The following TBC1D4 variants were observed in gnomAD, a reference collection of about 807,000 sequenced individuals.
TBC1D4 encodes TBC (Tre-2, BUB2, CDC16) domain-containing protein.
TBC1D4 carries 121 observed loss-of-function variants against 142.5 expected under a neutral mutation model. The observed-to-expected ratio is 0.85, with a 90% confidence interval of 0.73 to 0.99. TBC1D4 has a LOEUF of 0.99. Among genes scored for constraint, TBC1D4 ranks in the 50% least tolerant of loss-of-function variants. TBC1D4 has a pLI of 0.00. For synonymous variants in TBC1D4, 630 were observed against 628.2 expected, an observed-to-expected ratio of 1.00 and a Z score of -0.04; for missense variants, 1,475 against 1,606.6, an observed-to-expected ratio of 0.92 and a Z score of 1.40.
chr13:75,419,828 T>C (rs1255389356), intron 1 of TBC1D4, among the ~76,000 whole-genome samples: 1 of 152,220 alleles, frequency 6.6e-6, no homozygotes, highest in African/African-American at 2.4e-5. Context: ...TATGATATGG[T>C]GTCTCTCATC....
chr13:75,430,536 GA>G (rs1332317574), intron 1 of TBC1D4, among the ~76,000 whole-genome samples: 1 of 152,192 alleles, frequency 6.6e-6, no homozygotes, highest in Non-Finnish European at 1.5e-5. Flanking sequence ...AGCAGAATGA[GA>G]AACTGACAGA....
intron 1 of TBC1D4, among the ~76,000 whole-genome samples, chr13:75,373,068 A>C (rs1338766139): frequency 1.3e-5 from 2 of 152,252 alleles, no homozygotes; most frequent in African/African-American, 4.8e-5. Flanking sequence ...AGCAAGGCTT[A>C]ATTGTGCAAT....
Position 75,310,030 on chromosome 13 carries a change from T to C in TBC1D4, c.2505A>G (p.Lys835=), listed in dbSNP as rs770640675. The change falls in exon 14 of 21, where the codon AAA becomes AAG. Residue 835 remains lysine, a synonymous_variant. Coordinates refer to ENST00000377636, the MANE Select transcript of TBC1D4 (RefSeq NM_014832.5). ...DDPEKIEERK[K]SKELRSLWRK... is the part of the protein sequence containing the mutation. ...TCCACAAGCTCCTCAGTTCTTTTGA[T>C]TTCTTTCTTTCTTCAATCTTTTCTG... 1 of 1,614,194 alleles carries C rather than the reference T, an allele frequency of 6.2e-7. No homozygotes were observed. The highest frequency in any genetic ancestry group is 2.2e-5 in the East Asian group (1 of 44,872).
At chr13:75,373,357 T>C (rs1883320120) in intron 1 of TBC1D4, among the ~76,000 whole-genome samples, 1 of 152,206 alleles carries the variant, frequency 6.6e-6, no homozygotes, top group Non-Finnish European at 1.5e-5. Context: ...TATCATTAAC[T>C]GCTAAAGGGG....
chr13:75,306,348 C>T lies in TBC1D4; in HGVS notation c.2717G>A (p.Cys906Tyr). ...AAGAGTATGAATATCTTCCATATCACATCTGATTTTAGCTCTGCAGTTTAA... is the reference window on the plus strand; with the variant it reads ...AAGAGTATGAATATCTTCCATATCATATCTGATTTTAGCTCTGCAGTTTAA... ...KLLNCRAKIR[C>Y]DMEDIHTLLK... The change falls in exon 15 of 21, where the codon TGT becomes TAT. Residue 906 changes from cysteine (C) to tyrosine (Y), a missense_variant. Physicochemically the swap from Cys to Tyr is radical, Grantham distance 194. Transcript: ENST00000377636. The T allele has an allele frequency of 6.2e-7, 1 of 1,612,604 alleles. No individual in the cohort carries two copies. The highest frequency in any genetic ancestry group is 8.5e-7 in the Non-Finnish European group (1 of 1,179,718).
chr13:75,434,594 C>T (rs987946220), intron 1 of TBC1D4, among the ~76,000 whole-genome samples: 2 of 151,972 alleles, frequency 1.3e-5, no homozygotes, highest in Admixed American at 1.3e-4. Flanking sequence ...ACCCCCGTGA[C>T]ATGTGTTTAC....
chr13:75,473,101 T>C (rs137903969), intron 1 of TBC1D4, among the ~76,000 whole-genome samples: 194 of 152,246 alleles, frequency 1.3e-3, no homozygotes, highest in African/African-American at 4.0e-3. Context: ...TTCAAGCAAT[T>C]CTCATGCCTC....
intron 1 of TBC1D4, among the ~76,000 whole-genome samples, chr13:75,437,229 C>T (rs1886835992): frequency 1.3e-5 from 2 of 152,114 alleles, no homozygotes; most frequent in Non-Finnish European, 2.9e-5. Context: ...GCATTTATTT[C>T]CCAATTTTTA....
At chr13:75,387,160 C>T (rs1593827046) in intron 1 of TBC1D4, among the ~76,000 whole-genome samples, 3 of 152,028 alleles carry the variant, frequency 2.0e-5, no homozygotes, top group South Asian at 2.1e-4. Context: ...AAAGTTTGTG[C>T]AAAGATTTAT....
At chr13:75,327,519 AAGCATACTATCT>A (rs1380511164) in intron 9 of TBC1D4, among the ~76,000 whole-genome samples, 5 of 152,236 alleles carry the variant, frequency 3.3e-5, no homozygotes, top group Non-Finnish European at 7.3e-5. Context: ...CTGTTGTCCA[AAGCATACTATCT>A]CCAAACAATA....
intron 1 of TBC1D4, among the ~76,000 whole-genome samples, chr13:75,414,941 T>G (rs983102778): frequency 4.6e-5 from 7 of 151,602 alleles, no homozygotes; most frequent in Admixed American, 2.0e-4. Context: ...TTGGCCAACA[T>G]GGTAAAACCC....
At chr13:75,410,276 G>A (rs1037230346) in intron 1 of TBC1D4, among the ~76,000 whole-genome samples, 1 of 152,228 alleles carries the variant, frequency 6.6e-6, no homozygotes, top group African/African-American at 2.4e-5. Context: ...TCTACCGTCT[G>A]CTATGGTCTG....
chr13:75,310,650 A>G (rs2137931178), intron 13 of TBC1D4, among the ~76,000 whole-genome samples: 1 of 152,006 alleles, frequency 6.6e-6, no homozygotes, highest in South Asian at 2.1e-4. Flanking sequence ...TTCTTTTTCA[A>G]TTTTTATTTT....
chr13:75,474,554 G>T (rs1888555384), intron 1 of TBC1D4, among the ~76,000 whole-genome samples: 1 of 151,936 alleles, frequency 6.6e-6, no homozygotes, highest in African/African-American at 2.4e-5. Flanking sequence ...GTCAGACTCC[G>T]TCTCAAAAAG....
chr13:75,450,627 G>T (rs1468782722), intron 1 of TBC1D4, among the ~76,000 whole-genome samples: 1 of 152,158 alleles, frequency 6.6e-6, no homozygotes, highest in Non-Finnish European at 1.5e-5. Context: ...TGCCAGCCAG[G>T]TAAGCCCACC....
chr13:75,445,084 C>A (rs2138214449), intron 1 of TBC1D4, among the ~76,000 whole-genome samples: 1 of 152,270 alleles, frequency 6.6e-6, no homozygotes, highest in African/African-American at 2.4e-5. Context: ...AGCCCCAGGA[C>A]AAGATGAACC....
chr13:75,392,480 T>C (rs1178110077), intron 1 of TBC1D4, among the ~76,000 whole-genome samples: 1 of 152,206 alleles, frequency 6.6e-6, no homozygotes, highest in Non-Finnish European at 1.5e-5. Context: ...AATGTTCTCA[T>C]GTGCTCCTCA....
At chr13:75,449,535 AC>A (rs1478420154) in intron 1 of TBC1D4, among the ~76,000 whole-genome samples, 1 of 23,920 alleles carries the variant, frequency 4.2e-5, no homozygotes, top group East Asian at 0.018. Flanking sequence ...AAACTGCAAC[AC>A]ACACACACAC....
intron 1 of TBC1D4, among the ~76,000 whole-genome samples, chr13:75,426,535 A>C (rs1178001758): frequency 6.6e-6 from 1 of 152,218 alleles, no homozygotes; most frequent in Non-Finnish European, 1.5e-5. Context: ...CTCACCTTGC[A>C]TTGAATTTAT....
Sources: gnomAD v4.1 joint callset for allele counts (sites outside exome capture counted in the v4.1 genomes callset) on GRCh38, gnomAD v4.1.1 for gene constraint, MANE v1.5 for transcripts, NCBI Gene and HGNC (gene_info 2026-07-23, HGNC 2026-07-21) for gene names.